Variants in GLRA3 observed in about 807,000 individuals in gnomAD.
The protein encoded by GLRA3 is glycine receptor subunit alpha-3.
In GLRA3, 44 loss-of-function variants were observed where a neutral mutation model predicts 60.4. The observed-to-expected ratio is 0.73, with a 90% CI of 0.57 to 0.94. The LOEUF is 0.94. Ranked by LOEUF, GLRA3 falls within the 40% of genes least tolerant of loss-of-function variation. GLRA3 has a pLI of 0.00. For missense variants in GLRA3, 508 were observed against 564.6 expected (o/e 0.90, Z 1.02); for synonymous variants, 223 against 192.9 (o/e 1.16, Z -1.29).
chr4:174,746,401 C>A (rs1257169182), intron 3 of GLRA3, among the ~76,000 whole-genome samples: 4 of 152,062 alleles, frequency 2.6e-5, no homozygotes, highest in Non-Finnish European at 1.5e-5. Flanking sequence ...TATGGAAAGA[C>A]AAATATTGCA....
In GLRA3 at chr4:174,742,554, T is replaced by C. The variant is rs933687944; in HGVS notation, c.268-13856A>G. Among the ~76,000 whole-genome samples, 87 of 152,148 alleles carry C rather than the reference T, an allele frequency of 5.7e-4. 1 individual carries two copies. The highest frequency in any genetic ancestry group is 2.0e-3 in the African/African-American group (82 of 41,446). On this transcript the variant is annotated intron_variant, in intron 3 of 9. Transcript: ENST00000274093. ...AGACACTGCTAAACTCATGGGGAAATTTAAGGAGGAAAAATCTCTCTCTCC... is the reference window on the plus strand; with the variant it reads ...AGACACTGCTAAACTCATGGGGAAACTTAAGGAGGAAAAATCTCTCTCTCC...
intron 1 of GLRA3, among the ~76,000 whole-genome samples, chr4:174,793,423 CATTT>C (rs3059164): frequency 0.027 from 3,268 of 120,070 alleles, 105 homozygotes; most frequent in East Asian, 0.098. Flanking sequence ...AATTTACATT[CATTT>C]ATTTATTTAT....
At chr4:174,803,169 G>A (rs1033349180) in intron 1 of GLRA3, among the ~76,000 whole-genome samples, 4 of 151,794 alleles carry the variant, frequency 2.6e-5, no homozygotes, top group African/African-American at 9.7e-5. Context: ...CATTCATTTT[G>A]ACTAAGCTTT....
In GLRA3 at chr4:174,641,338, T is replaced by C. The variant is rs1343532559; in HGVS notation, c.*2448A>G. On this transcript the variant is annotated 3_prime_UTR_variant, in exon 10 of 10. Transcript: ENST00000274093. Reference sequence around the variant, plus strand: ...GACACAGGGCTTATTGAGGCAAATATTATCTCAGGATGCTAACTGCAATGT... The same window carrying C: ...GACACAGGGCTTATTGAGGCAAATACTATCTCAGGATGCTAACTGCAATGT... 1.3e-5 allele frequency: 2 copies of C among 152,126 alleles called. No individual in the cohort carries two copies. The allele number at this position is 152,126 out of a possible 1,614,324, so 9.4% of individuals were successfully genotyped here.
chr4:174,653,305 A>G (rs1462150428), intron 9 of GLRA3, among the ~76,000 whole-genome samples: 2 of 152,052 alleles, frequency 1.3e-5, no homozygotes, highest in South Asian at 4.1e-4. Flanking sequence ...TTTTTCTAAA[A>G]TATCTGTCTA....
intron 7 of GLRA3, among the ~76,000 whole-genome samples, chr4:174,659,842 G>T (rs990531725): frequency 2.6e-5 from 4 of 151,688 alleles, no homozygotes; most frequent in African/African-American, 9.7e-5. Flanking sequence ...TGTGGTGGCG[G>T]GCGCCTATAA....
intron 1 of GLRA3, among the ~76,000 whole-genome samples, chr4:174,790,584 C>G (rs1377261378): frequency 6.6e-6 from 1 of 151,784 alleles, no homozygotes; most frequent in Non-Finnish European, 1.5e-5. Context: ...CAAAATCTCT[C>G]CTTTCAATTA....
At chr4:174,648,779 T>C (rs1211203351) in intron 9 of GLRA3, among the ~76,000 whole-genome samples, 1 of 152,130 alleles carries the variant, frequency 6.6e-6, no homozygotes, top group Non-Finnish European at 1.5e-5. Flanking sequence ...AAATCTAGGC[T>C]GTTCAGAAGA....
intron 1 of GLRA3, among the ~76,000 whole-genome samples, chr4:174,794,801 GA>G (rs997445560): frequency 6.6e-6 from 1 of 151,970 alleles, no homozygotes; most frequent in African/African-American, 2.4e-5. Flanking sequence ...AATTCTATTT[GA>G]AATATACTTT....
intron 1 of GLRA3, among the ~76,000 whole-genome samples, chr4:174,796,700 C>T (rs1036510887): frequency 6.6e-6 from 1 of 152,050 alleles, no homozygotes; most frequent in African/African-American, 2.4e-5. Flanking sequence ...CCACGCCCAG[C>T]TAATTTTTGT....
chr4:174,776,743 C>A (rs1230191867), intron 2 of GLRA3, among the ~76,000 whole-genome samples: 6 of 152,086 alleles, frequency 3.9e-5, no homozygotes, highest in Admixed American at 3.9e-4. Context: ...TTTTTAGCAG[C>A]TTCAGGGACA....
chr4:174,798,687 GGCCAAGGC>G (rs1345610712), intron 1 of GLRA3, among the ~76,000 whole-genome samples: 1 of 152,240 alleles, frequency 6.6e-6, no homozygotes, highest in Non-Finnish European at 1.5e-5. Context: ...CACTTTGGGA[GGCCAAGGC>G]GGGCGGATCA....
chr4:174,694,472 A>T (rs1734975326), intron 5 of GLRA3, among the ~76,000 whole-genome samples: 1 of 152,180 alleles, frequency 6.6e-6, no homozygotes, highest in Non-Finnish European at 1.5e-5. Context: ...GTTAAACAAC[A>T]TGCTCCTGAA....
chr4:174,668,984 G>T (rs972829833), intron 7 of GLRA3, among the ~76,000 whole-genome samples: 1 of 151,982 alleles, frequency 6.6e-6, no homozygotes. Context: ...AGTACTTTTG[G>T]CTGTGCGATG....
At chr4:174,785,029 T>A (rs1356405769) in intron 2 of GLRA3, among the ~76,000 whole-genome samples, 1 of 152,170 alleles carries the variant, frequency 6.6e-6, no homozygotes, top group Non-Finnish European at 1.5e-5. Flanking sequence ...TAATGTTCGA[T>A]GGAAGAGGCT....
intron 4 of GLRA3, among the ~76,000 whole-genome samples, chr4:174,715,924 G>C (rs1490975911): frequency 6.6e-6 from 1 of 152,188 alleles, no homozygotes; most frequent in Non-Finnish European, 1.5e-5. Context: ...GGCTGTGGAT[G>C]TCTAGAAAAT....
intron 1 of GLRA3, among the ~76,000 whole-genome samples, chr4:174,795,848 A>G (rs1274207057): frequency 6.6e-6 from 1 of 152,148 alleles, no homozygotes; most frequent in African/African-American, 2.4e-5. Context: ...ATGAGAAGAT[A>G]ATGAAGTAAA....
At chr4:174,795,902 T>C (rs949298681) in intron 1 of GLRA3, among the ~76,000 whole-genome samples, 2 of 131,386 alleles carry the variant, frequency 1.5e-5, no homozygotes, top group African/African-American at 6.7e-5. Flanking sequence ...GCAAAATCCT[T>C]ATGTTTTGTA....
chr4:174,691,525 G>A (rs891110388), intron 5 of GLRA3, among the ~76,000 whole-genome samples: 4 of 152,126 alleles, frequency 2.6e-5, no homozygotes, highest in Non-Finnish European at 2.9e-5. Flanking sequence ...GAGTGCCTGC[G>A]ATTGCAGGCG....
Sources: gnomAD v4.1 joint callset for allele counts (sites outside exome capture counted in the v4.1 genomes callset) on GRCh38, gnomAD v4.1.1 for gene constraint, MANE v1.5 for transcripts, NCBI Gene and HGNC (gene_info 2026-07-23, HGNC 2026-07-21) for gene names.